P3H2: variants seen among roughly 807,000 people sequenced by gnomAD.
P3H2 encodes the protein prolyl 3-hydroxylase 2.
In P3H2, 80 loss-of-function variants were observed where a neutral mutation model predicts 87.0. The ratio of observed to expected loss-of-function variants is 0.92; its 90% CI spans 0.77 to 1.11. The LOEUF (loss-of-function observed/expected upper bound fraction) is 1.11. P3H2 is among the 50% of genes least tolerant of loss of function. The pLI is 0.00. For synonymous variants in P3H2, 367 were observed against 359.3 expected (o/e 1.02, Z -0.24); for missense variants, 1,001 against 923.9 (o/e 1.08, Z -1.08).
At chr3:190,087,350 C>G (rs1727251417) in intron 1 of P3H2, among the ~76,000 whole-genome samples, 1 of 151,788 alleles carries the variant, frequency 6.6e-6, no homozygotes, top group East Asian at 1.9e-4. Flanking sequence ...TCCTGGCTAA[C>G]AGAGTGAAAC....
chr3:190,040,756 A>G (rs568112178), intron 1 of P3H2, among the ~76,000 whole-genome samples: 105 of 152,090 alleles, frequency 6.9e-4, no homozygotes, highest in Non-Finnish European at 1.3e-3. Flanking sequence ...TATGAACTCT[A>G]TGCAAAAAAT....
At chr3:190,058,786 TA>T in intron 1 of P3H2, among the ~76,000 whole-genome samples, 1 of 152,190 alleles carries the variant, frequency 6.6e-6, no homozygotes, top group Non-Finnish European at 1.5e-5. Flanking sequence ...TCCCTGATAA[TA>T]AAAGGATGCT....
intron 1 of P3H2, among the ~76,000 whole-genome samples, chr3:190,024,051 A>G (rs1209599939): frequency 1.3e-5 from 2 of 152,200 alleles, no homozygotes; most frequent in African/African-American, 4.8e-5. Flanking sequence ...AATATTAAAT[A>G]TAATAAGGAC....
rs1479989935 is a variant in P3H2, at chr3:190,020,954, C to T, written c.481-25512G>A. ...TTTTAAGTATAGTTTAGTCCAAATC[C>T]TTCAGTTTTATAAAAAGAGAAACTG... On this transcript the variant is annotated intron_variant, in intron 1 of 14. Transcript: ENST00000319332. Among the ~76,000 whole-genome samples, 3 of 134,282 alleles carry T rather than the reference C, an allele frequency of 2.2e-5. 1 individual carries two copies. Among genetic ancestry groups the T allele is most frequent in the African/African-American group, 7.7e-5 (3 of 38,842 alleles). 88.1% of individuals were successfully genotyped at this position (134,282 alleles called of 152,430 possible). A position where few individuals can be genotyped will look rare whatever the true frequency, so the allele number is the denominator to read the frequency against.
At chr3:190,087,193 T>C (rs1727243957) in intron 1 of P3H2, among the ~76,000 whole-genome samples, 1 of 152,326 alleles carries the variant, frequency 6.6e-6, no homozygotes. Context: ...AAAATACTTT[T>C]CAAATTCTAT....
chr3:190,113,910 T>C (rs987198859), intron 1 of P3H2, among the ~76,000 whole-genome samples: 4 of 151,700 alleles, frequency 2.6e-5, no homozygotes, highest in Non-Finnish European at 5.9e-5. Flanking sequence ...ACCCCGTCTC[T>C]ACTAAAAATA....
At position 189,957,198 on chromosome 3, in the gene P3H2, G is replaced by C; in HGVS notation, c.*714C>G. On this transcript the variant is annotated 3_prime_UTR_variant, in exon 15 of 15. Transcript: ENST00000319332. The stretch of plus-strand genomic sequence containing the variant: ...CTCCCGGAGCCTGGGTGATCATTAC[G>C]CCCATGATACCTGAGGCAGCGTGGA... 2.5e-6 allele frequency: 1 copy of C among 398,660 alleles called. No homozygotes were observed. Among genetic ancestry groups the C allele is most frequent in the Non-Finnish European group, 4.4e-6 (1 of 226,192 alleles). The allele number at this position is 398,660 out of a possible 1,614,324, so 24.7% of individuals were successfully genotyped here. A position where few individuals can be genotyped will look rare whatever the true frequency, so the allele number is the denominator to read the frequency against.
intron 13 of P3H2, among the ~76,000 whole-genome samples, chr3:189,967,091 G>A (rs781538785): frequency 6.6e-5 from 10 of 152,040 alleles, no homozygotes; most frequent in Admixed American, 2.0e-4. Context: ...GTTGTTGCTG[G>A]TACTAGAATA....
chr3:190,026,083 T>C (rs752671376), intron 1 of P3H2, among the ~76,000 whole-genome samples: 3 of 152,178 alleles, frequency 2.0e-5, no homozygotes, highest in Non-Finnish European at 4.4e-5. Context: ...TGTTAGTCAG[T>C]TTACAAAACT....
intron 1 of P3H2, among the ~76,000 whole-genome samples, chr3:190,111,315 A>G (rs1272818888): frequency 6.6e-6 from 1 of 152,172 alleles, no homozygotes; most frequent in Non-Finnish European, 1.5e-5. Flanking sequence ...GGGCCTTACA[A>G]ATAGTGGTCA....
intron 1 of P3H2, among the ~76,000 whole-genome samples, chr3:190,065,041 A>C (rs926742237): frequency 2.6e-5 from 4 of 152,170 alleles, no homozygotes; most frequent in Non-Finnish European, 5.9e-5. Context: ...CTCCCTGCCT[A>C]AAAACTGCTT....
chr3:189,971,618 G>A, intron 12 of P3H2: 7 of 413,424 alleles, frequency 1.7e-5, no homozygotes, highest in South Asian at 1.5e-4. Context: ...AGGGAGAACA[G>A]GAATTTTTTT....
intron 14 of P3H2, among the ~76,000 whole-genome samples, chr3:189,962,869 G>A (rs116257870): frequency 6.6e-6 from 1 of 152,186 alleles, no homozygotes; most frequent in Non-Finnish European, 1.5e-5. Context: ...ACCTAACAAG[G>A]AAAACTGGAT....
intron 1 of P3H2, among the ~76,000 whole-genome samples, chr3:190,013,884 T>C (rs750353207): frequency 1.3e-4 from 20 of 152,330 alleles, no homozygotes; most frequent in Non-Finnish European, 2.4e-4. Context: ...GATCAAGAAT[T>C]TGGTGTGAGT....
Position 189,974,607 on chromosome 3 carries a change from T to C in P3H2, c.1403A>G (p.Asp468Gly), listed in dbSNP as rs1162617598. Residue 468 changes from aspartate to glycine, a missense_variant, in exon 9 of 15, where the codon GAT becomes GGT. Coordinates refer to ENST00000319332, the MANE Select transcript of P3H2 (RefSeq NM_018192.4). ...GCACTGTTCTTCCGACAGGACGTTA[T>C]CCAGGAGAACCCGCTGAGTCCCGTT... ...QLNGTQRVLL[D>G]NVLSEEQCRE... is the part of the protein sequence containing the mutation. The C allele has an allele frequency of 1.9e-6, 3 of 1,614,026 alleles. No individual in the cohort carries two copies. In the African/African-American group the frequency reaches 4.0e-5, roughly 22 times the overall value.
Position 190,033,112 on chromosome 3 carries a change from C to T in P3H2, c.481-37670G>A, listed in dbSNP as rs150708824. Among the ~76,000 whole-genome samples, 574 of 152,208 alleles carry T rather than the reference C, an allele frequency of 3.8e-3. 5 individuals carry two copies. Among genetic ancestry groups the T allele is most frequent in the African/African-American group, 0.013 (544 of 41,524 alleles). ...CACATGCAAAGTTCACAATAGCGCT[C>T]GCGCTCCTAAGAGAATCTAATGCCA... On this transcript the variant is annotated intron_variant, in intron 1 of 14. Transcript: ENST00000319332.
At chr3:189,979,792 T>C (rs1723471090) in intron 8 of P3H2, among the ~76,000 whole-genome samples, 1 of 150,318 alleles carries the variant, frequency 6.7e-6, no homozygotes, top group Admixed American at 6.6e-5. Context: ...TGAAACCCCG[T>C]CTCTACTAAA....
Position 190,120,700 on chromosome 3 carries a change from A to G in P3H2, c.32T>C (p.Leu11Pro), listed in dbSNP as rs771544323. The change falls in exon 1 of 15, where the codon CTG (leucine) becomes CCG (proline). Residue 11 changes from leucine to proline, a missense_variant. Physicochemically the swap from Leu to Pro is moderately conservative, Grantham distance 98. Coordinates refer to ENST00000319332, the MANE Select transcript of P3H2 (RefSeq NM_018192.4). ...CGGCAGTAGCAGCGGCAGCAGCAGC[A>G]GCAGCGGCGGCGCCCAGATGCGCTC... is the stretch of plus-strand genomic sequence containing the variant. MRERIWAPPL[L>P]LLLPLLLPPP... 170 of 1,520,400 alleles carry G rather than the reference A, an allele frequency of 1.1e-4. No individual in the cohort carries two copies. The highest frequency in any genetic ancestry group is 1.4e-4 in the Non-Finnish European group (156 of 1,141,242). 94.2% of individuals were successfully genotyped at this position (1,520,400 alleles called of 1,614,324 possible). A position where few individuals can be genotyped will look rare whatever the true frequency, so the allele number is the denominator to read the frequency against.
chr3:189,973,551 C>T (rs1399557040), intron 10 of P3H2, among the ~76,000 whole-genome samples: 2 of 124,904 alleles, frequency 1.6e-5, no homozygotes, highest in Non-Finnish European at 3.2e-5. Context: ...GACGGAGTCT[C>T]GCTCTCGCCC....
Sources: gnomAD v4.1 joint callset for allele counts (sites outside exome capture counted in the v4.1 genomes callset) on GRCh38, gnomAD v4.1.1 for gene constraint, MANE v1.5 for transcripts, NCBI Gene and HGNC (gene_info 2026-07-23, HGNC 2026-07-21) for gene names.